Variants in HHLA1 observed in about 807,000 individuals in gnomAD.
HHLA1 encodes the protein HERV-H LTR-associating protein 1.
HHLA1 carries 72 observed loss-of-function variants against 69.9 expected under a neutral mutation model. That is an observed-to-expected ratio of 1.03 (90% CI 0.85 to 1.25). The LOEUF (loss-of-function observed/expected upper bound fraction) is 1.25, where lower values mean the gene tolerates loss of function less well. HHLA1 is among the 50% of genes most tolerant of loss of function. The pLI is 0.00. For missense variants in HHLA1, 685 were observed against 642.2 expected (o/e 1.07, Z -0.72); for synonymous variants, 252 against 233.2 (o/e 1.08, Z -0.73).
intron 15 of HHLA1, among the ~76,000 whole-genome samples, chr8:132,069,345 TC>T (rs1823491513): frequency 6.6e-6 from 1 of 152,038 alleles, no homozygotes; most frequent in Non-Finnish European, 1.5e-5. Context: ...TTGCCAACTT[TC>T]CCACCAGTGT....
intron 15 of HHLA1, among the ~76,000 whole-genome samples, chr8:132,068,046 C>G (rs986174102): frequency 2.6e-5 from 4 of 152,236 alleles, no homozygotes; most frequent in South Asian, 2.1e-4. Context: ...TACTTTCTTA[C>G]AACAGCAACA....
rs1823363236 is a variant in HHLA1, at chr8:132,062,102, A to G, written c.*1893T>C. The G allele has an allele frequency of 6.6e-6, 1 of 152,160 alleles. No individual in the cohort carries two copies. Among genetic ancestry groups the G allele is most frequent in the Non-Finnish European group, 1.5e-5 (1 of 68,028 alleles). 9.4% of individuals were successfully genotyped at this position (152,160 alleles called of 1,614,324 possible). A position where few individuals can be genotyped will look rare whatever the true frequency, so the allele number is the denominator to read the frequency against. The stretch of plus-strand genomic sequence containing the variant: ...CCTCTCCTGTCAAAGGTCCTTAATT[A>G]ATATCCACGCAAGGGTTGAATCAAA... On this transcript the variant is annotated 3_prime_UTR_variant, in exon 17 of 17. Coordinates refer to ENST00000414222, the MANE Select transcript of HHLA1 (RefSeq NM_001145095.3).
At chr8:132,087,110 A>T (rs956510675) in intron 10 of HHLA1, among the ~76,000 whole-genome samples, 5 of 152,212 alleles carry the variant, frequency 3.3e-5, no homozygotes, top group Non-Finnish European at 5.9e-5. Flanking sequence ...GGGGATATTT[A>T]AAAAAGAGGA....
At chr8:132,098,986 T>A (rs1208895663) in intron 4 of HHLA1, 24 bp from the exon 5 acceptor site, 14 of 1,480,802 alleles carry the variant, frequency 9.5e-6, no homozygotes, top group Non-Finnish European at 1.3e-5. Flanking sequence ...AGAGATAATG[T>A]CACTGGCAGG....
intron 8 of HHLA1, 30 bp downstream of exon 8, chr8:132,089,486 G>T (rs117487531): frequency 1.6e-6 from 2 of 1,213,534 alleles, no homozygotes; most frequent in Non-Finnish European, 2.4e-6. Context: ...AAACCTCAAA[G>T]TTGCCAAAGC....
At chr8:132,089,010 G>A (rs188287421) in intron 8 of HHLA1, among the ~76,000 whole-genome samples, 6 of 152,324 alleles carry the variant, frequency 3.9e-5, no homozygotes, top group Non-Finnish European at 7.3e-5. Flanking sequence ...TTGTTGGACT[G>A]TTGAATAGAT....
chr8:132,063,649 T>C lies in HHLA1; in HGVS notation c.*346A>G, dbSNP rs780445390. 1 of 166,238 alleles carries C rather than the reference T, an allele frequency of 6.0e-6. No homozygotes were observed. Among genetic ancestry groups the C allele is most frequent in the Non-Finnish European group, 1.3e-5 (1 of 75,288 alleles). The allele number at this position is 166,238 out of a possible 1,614,324, so 10.3% of individuals were successfully genotyped here. ...CTGAACTGGTTTGTGCAGGCTAGAG[T>C]GCCCACGCATCCCCAGTTTTTAAAT... On this transcript the variant is annotated 3_prime_UTR_variant, in exon 17 of 17. Transcript: ENST00000414222.
At chr8:132,094,525 G>T (rs905521852) in intron 7 of HHLA1, among the ~76,000 whole-genome samples, 2 of 152,098 alleles carry the variant, frequency 1.3e-5, no homozygotes, top group Non-Finnish European at 2.9e-5. Context: ...TTAGGCCTTT[G>T]TCTGGACCAC....
intron 3 of HHLA1, among the ~76,000 whole-genome samples, chr8:132,100,501 T>C (rs530696169): frequency 9.8e-5 from 15 of 152,350 alleles, no homozygotes; most frequent in African/African-American, 3.6e-4. Context: ...TTTCTAGAAC[T>C]GTAGAGCAGT....
chr8:132,109,606 G>T (rs1824263011), intron 1 of HHLA1, among the ~76,000 whole-genome samples: 1 of 152,080 alleles, frequency 6.6e-6, no homozygotes, highest in Non-Finnish European at 1.5e-5. Flanking sequence ...CATCCCATGG[G>T]ACAGGCATTG....
chr8:132,109,614 T>C (rs575059718), intron 1 of HHLA1, among the ~76,000 whole-genome samples: 1 of 152,232 alleles, frequency 6.6e-6, no homozygotes, highest in Non-Finnish European at 1.5e-5. Context: ...GGGACAGGCA[T>C]TGATCTTTGA....
chr8:132,091,141 A>G (rs539858355), intron 7 of HHLA1, among the ~76,000 whole-genome samples: 1 of 152,252 alleles, frequency 6.6e-6, no homozygotes, highest in South Asian at 2.1e-4. Context: ...TTATTAATCC[A>G]TTTATCTAAT....
intron 11 of HHLA1, 130 bp from the exon 12 acceptor site, chr8:132,078,101 A>T: frequency 3.0e-6 from 3 of 1,008,304 alleles, no homozygotes; most frequent in Non-Finnish European, 4.3e-6. Context: ...TAAGTAATCC[A>T]GGGGCTTAAA....
intron 10 of HHLA1, among the ~76,000 whole-genome samples, chr8:132,083,815 G>T (rs1464388354): frequency 6.6e-6 from 1 of 152,186 alleles, no homozygotes; most frequent in East Asian, 1.9e-4. Flanking sequence ...TGGAGGCAAG[G>T]AATTGCAACT....
intron 14 of HHLA1, among the ~76,000 whole-genome samples, chr8:132,075,558 C>T (rs1047685284): frequency 5.9e-5 from 9 of 152,188 alleles, no homozygotes; most frequent in African/African-American, 2.2e-4. Context: ...GGGTAGGTAT[C>T]CCTTAACACA....
In HHLA1 at chr8:132,098,566, A is replaced by G. The variant is rs1824058980; in HGVS notation, c.280+316T>C. ...AGCCTCGACCTTCTGGGCTCCAGCA[A>G]TCCTCCCACCTCAGCCTCCCGAGTA... is the stretch of plus-strand genomic sequence containing the variant. On this transcript the variant is annotated intron_variant, in intron 5 of 16. Coordinates refer to ENST00000414222, the MANE Select transcript of HHLA1 (RefSeq NM_001145095.3). 2.0e-5 allele frequency among the ~76,000 whole-genome samples: 3 copies of G among 152,096 alleles called. No individual in the cohort carries two copies. In the South Asian group the frequency reaches 6.2e-4, roughly 32 times the overall value.
intron 1 of HHLA1, among the ~76,000 whole-genome samples, chr8:132,108,049 A>T (rs1261775250): frequency 1.3e-5 from 2 of 152,206 alleles, no homozygotes; most frequent in Non-Finnish European, 2.9e-5. Context: ...ACCTTCACTC[A>T]GTCAAAAAGC....
chr8:132,072,756 A>G (rs1050063251), intron 14 of HHLA1, among the ~76,000 whole-genome samples: 2 of 152,226 alleles, frequency 1.3e-5, no homozygotes, highest in Admixed American at 6.5e-5. Flanking sequence ...TTGACTTTCT[A>G]TTGAATAGGT....
chr8:132,103,472 A>T (rs1298399531), intron 3 of HHLA1, among the ~76,000 whole-genome samples: 1 of 152,094 alleles, frequency 6.6e-6, no homozygotes, highest in Non-Finnish European at 1.5e-5. Flanking sequence ...ACAAAATATT[A>T]TCCAGGTGTG....
Sources: allele counts gnomAD v4.1 joint callset (sites outside exome capture counted in the v4.1 genomes callset), GRCh38; gene constraint gnomAD v4.1.1; transcripts MANE v1.5; gene names NCBI Gene and HGNC (gene_info 2026-07-23, HGNC 2026-07-21).